The following NAA11 variants were observed in gnomAD, a reference collection of about 807,000 sequenced individuals.
NAA11 encodes N-alpha-acetyltransferase 11, NatA catalytic subunit.
A neutral mutation model predicts 16.1 loss-of-function variants in NAA11; 15 were observed. The ratio of observed to expected loss-of-function variants is 0.93; its 90% CI spans 0.62 to 1.44. The LOEUF (loss-of-function observed/expected upper bound fraction) is 1.44. NAA11 is among the 40% of genes most tolerant of loss of function. The pLI is 0.00. For missense variants in NAA11, 298 were observed against 291.3 expected, an observed-to-expected ratio of 1.02 and a Z score of -0.17; for synonymous variants, 122 against 112.4, an observed-to-expected ratio of 1.09 and a Z score of -0.54.
intron 2 of NAA11, among the ~76,000 whole-genome samples, chr4:79,262,696 T>G (rs1037309938): frequency 6.6e-6 from 1 of 152,120 alleles, no homozygotes; most frequent in African/African-American, 2.4e-5. Context: ...ACTGCCTAAT[T>G]ATGGACTTTT....
chr4:79,158,563 T>C, the NAA11 span, among the ~76,000 whole-genome samples: 1 of 151,692 alleles, frequency 6.6e-6, no homozygotes, highest in East Asian at 1.9e-4. Flanking sequence ...TGCAATGCAA[T>C]TCCCATTAAA....
downstream of NAA11, among the ~76,000 whole-genome samples, chr4:79,223,108 C>G (rs575375258): frequency 1.3e-5 from 2 of 150,336 alleles, 1 homozygote; most frequent in South Asian, 4.3e-4. Context: ...GGATCTAGAA[C>G]TGGAAATACC....
At chr4:79,237,774 C>G (rs1721602889) in intron 2 of NAA11, among the ~76,000 whole-genome samples, 1 of 152,144 alleles carries the variant, frequency 6.6e-6, no homozygotes, top group Non-Finnish European at 1.5e-5. Flanking sequence ...CAAAGTAAAG[C>G]TTCCAAGCTA....
In NAA11 at chr4:79,326,020, G is replaced by A; in HGVS notation, c.-143C>T. 2 of 671,926 alleles carry A rather than the reference G, an allele frequency of 3.0e-6. No individual in the cohort carries two copies. The highest frequency in any genetic ancestry group is 3.0e-5 in the Admixed American group (1 of 33,844). The allele number at this position is 671,926 out of a possible 1,614,324, so 41.6% of individuals were successfully genotyped here. On this transcript the variant is annotated 5_prime_UTR_variant, in exon 1 of 2. Transcript: ENST00000286794. ...GAATCGTGTGGAGGGCGGATGGCGG[G>A]AAGGCGGAAGGAGCAGGAGATGGAA...
intron 2 of NAA11, among the ~76,000 whole-genome samples, chr4:79,242,627 C>T (rs1320411204): frequency 6.6e-6 from 1 of 152,176 alleles, no homozygotes; most frequent in Non-Finnish European, 1.5e-5. Context: ...ATTAAAATTC[C>T]CTGTTCAAAT....
the NAA11 span, among the ~76,000 whole-genome samples, chr4:79,203,462 G>A: frequency 6.6e-6 from 1 of 151,700 alleles, no homozygotes. Context: ...AGTTGTTGGA[G>A]GTAGGTTATA....
intron 2 of NAA11, among the ~76,000 whole-genome samples, chr4:79,247,276 T>A (rs1293849541): frequency 6.6e-6 from 1 of 152,180 alleles, no homozygotes; most frequent in Non-Finnish European, 1.5e-5. Context: ...GATTACTAAA[T>A]CTATATTATA....
the NAA11 span, among the ~76,000 whole-genome samples, chr4:79,188,382 G>C: frequency 6.6e-6 from 1 of 151,940 alleles, no homozygotes; most frequent in South Asian, 2.1e-4. Flanking sequence ...TCGGGAGATC[G>C]AGACCATCCT....
chr4:79,236,899 G>A (rs551162495), intron 2 of NAA11, among the ~76,000 whole-genome samples: 2 of 152,180 alleles, frequency 1.3e-5, no homozygotes, highest in South Asian at 4.1e-4. Flanking sequence ...AAACAACTCC[G>A]CATGCTAAGT....
chr4:79,259,676 C>G (rs1347729382), intron 2 of NAA11, among the ~76,000 whole-genome samples: 2 of 152,222 alleles, frequency 1.3e-5, no homozygotes, highest in Non-Finnish European at 2.9e-5. Context: ...CCTCAAGGAT[C>G]CTTCAAACAT....
the NAA11 span, among the ~76,000 whole-genome samples, chr4:79,159,881 T>G: frequency 2.6e-5 from 4 of 152,272 alleles, no homozygotes; most frequent in Admixed American, 2.6e-4. Flanking sequence ...TGTGTCAGTT[T>G]TTTTCTTCTT....
chr4:79,260,729 T>C (rs2109973845), intron 2 of NAA11, among the ~76,000 whole-genome samples: 1 of 152,362 alleles, frequency 6.6e-6, no homozygotes, highest in African/African-American at 2.4e-5. Flanking sequence ...ATGAACCTAC[T>C]CTTTCTTTGA....
intron 1 of NAA11, among the ~76,000 whole-genome samples, chr4:79,304,147 A>T (rs978533785): frequency 6.6e-6 from 1 of 152,172 alleles, no homozygotes; most frequent in African/African-American, 2.4e-5. Flanking sequence ...AATTGAGAAG[A>T]TCCTTTATTT....
At chr4:79,162,336 A>T in the NAA11 span, among the ~76,000 whole-genome samples, 1 of 152,182 alleles carries the variant, frequency 6.6e-6, no homozygotes, top group African/African-American at 2.4e-5. Flanking sequence ...CGGAGAACTA[A>T]ATAGTTCTGC....
intron 2 of NAA11, among the ~76,000 whole-genome samples, chr4:79,241,140 C>G (rs1172403164): frequency 2.0e-5 from 3 of 152,112 alleles, no homozygotes; most frequent in Admixed American, 6.6e-5. Flanking sequence ...GACAGCAAGA[C>G]CAACCCCTCC....
intron 2 of NAA11, chr4:79,227,496 G>T (rs1721344496): frequency 6.6e-6 from 1 of 151,966 alleles, no homozygotes; most frequent in Non-Finnish European, 1.5e-5. Flanking sequence ...AGCCAAAGGA[G>T]ACTAAGAGGA....
chr4:79,185,165 T>C, the NAA11 span, among the ~76,000 whole-genome samples: 1 of 152,218 alleles, frequency 6.6e-6, no homozygotes, highest in East Asian at 1.9e-4. Context: ...TTTTCTCCAG[T>C]AGTTAACGTT....
intron 1 of NAA11, among the ~76,000 whole-genome samples, chr4:79,320,941 G>A (rs1342934407): frequency 6.6e-6 from 1 of 152,170 alleles, no homozygotes; most frequent in Non-Finnish European, 1.5e-5. Context: ...CTCCATTCAG[G>A]GAGCTAGACC....
rs1723954746 is a variant in NAA11, at chr4:79,317,333, T to C, written c.*471A>G. The C allele has an allele frequency of 6.6e-6, 1 of 152,150 alleles. No homozygotes were observed. The highest frequency in any genetic ancestry group is 1.5e-5 in the Non-Finnish European group (1 of 68,040). The allele number at this position is 152,150 out of a possible 1,614,324, so 9.4% of individuals were successfully genotyped here. A position where few individuals can be genotyped will look rare whatever the true frequency, so the allele number is the denominator to read the frequency against. The stretch of plus-strand genomic sequence containing the variant: ...TCCAGGAAAGAGGAGGAAGAGGGCA[T>C]GAGGTCTGACTTCATGGTCCTGACT... On this transcript the variant is annotated 3_prime_UTR_variant, in exon 2 of 2. Transcript: ENST00000286794.
Sources: gnomAD v4.1 joint callset for allele counts (sites outside exome capture counted in the v4.1 genomes callset) on GRCh38, gnomAD v4.1.1 for gene constraint, MANE v1.5 for transcripts, NCBI Gene and HGNC (gene_info 2026-07-23, HGNC 2026-07-21) for gene names.